TP53AIP1: variants seen among roughly 807,000 people sequenced by gnomAD.
TP53AIP1 encodes the protein tumor protein p53 regulated apoptosis inducing protein 1, also known as p53-regulated apoptosis-inducing protein 1.
Under a neutral mutation model 9.5 loss-of-function variants are expected in TP53AIP1, and 14 were observed. That is an observed-to-expected ratio of 1.47 (90% CI 0.97 to 2.30). The LOEUF is 2.30. TP53AIP1 is among the 30% of genes most tolerant of loss of function. The pLI, the probability that TP53AIP1 is intolerant of heterozygous loss-of-function variation, is 0.00. For missense variants in TP53AIP1, 153 were observed against 146.7 expected, an observed-to-expected ratio of 1.04 and a Z score of -0.22; for synonymous variants, 73 against 61.2, an observed-to-expected ratio of 1.19 and a Z score of -0.90.
rs1170483237 is a variant in TP53AIP1 at position 128,936,662 on chromosome 11, G to T, written c.142-13C>A. On this transcript the variant is annotated splice_polypyrimidine_tract_variant and intron_variant, in intron 2 of 3. Transcript: ENST00000531399. Reference sequence around the variant, plus strand: ...AGGGATCTGAAACCTGAGAGGAAATGGAAGCAGACTGTGAGGCCCTGCAGC... The same window carrying T: ...AGGGATCTGAAACCTGAGAGGAAATTGAAGCAGACTGTGAGGCCCTGCAGC... The T allele has an allele frequency of 3.8e-6, 6 of 1,570,562 alleles. No individual in the cohort carries two copies. The Admixed American group carries it at 1.1e-4, about 28-fold the overall frequency.
downstream of TP53AIP1, chr11:128,934,870 G>A (rs1197141627): frequency 3.2e-6 from 2 of 630,576 alleles, no homozygotes; most frequent in Admixed American, 2.3e-5. Flanking sequence ...TGCCCACTGG[G>A]GATCCTCGGA....
At chr11:128,938,237 T>C (rs1944872056) in intron 1 of TP53AIP1, among the ~76,000 whole-genome samples, 1 of 152,202 alleles carries the variant, frequency 6.6e-6, no homozygotes, top group South Asian at 2.1e-4. Flanking sequence ...TGGGCTACCC[T>C]GATGAGGGGT....
chr11:128,937,175 A>C lies in TP53AIP1; in HGVS notation c.141+503T>G. 8.9e-7 allele frequency: 1 copy of C among 1,120,586 alleles called. No homozygotes were observed. Among genetic ancestry groups the C allele is most frequent in the Non-Finnish European group, 1.1e-6 (1 of 915,462 alleles). 69.4% of individuals were successfully genotyped at this position (1,120,586 alleles called of 1,614,324 possible). ...GAGCCCACAAGCTTCCGAGTGCGTCATCTTCATTATTGGCCACAGGAAACG... is the reference window on the plus strand; with the variant it reads ...GAGCCCACAAGCTTCCGAGTGCGTCCTCTTCATTATTGGCCACAGGAAACG... On this transcript the variant is annotated intron_variant, in intron 2 of 3. Transcript: ENST00000531399. The surrounding 1 kb of genome is among the most constrained non-coding windows in gnomAD (Gnocchi z 4.8).
intron 1 of TP53AIP1, among the ~76,000 whole-genome samples, 151 bp downstream of exon 1, chr11:128,942,643 C>G (rs1827349508): frequency 6.6e-6 from 1 of 152,226 alleles, no homozygotes; most frequent in Non-Finnish European, 1.5e-5. Flanking sequence ...CTGACCTCCT[C>G]CAGGCCTCAC....
chr11:128,935,229 A>C, downstream of TP53AIP1: 1 of 1,362,952 alleles, frequency 7.3e-7, no homozygotes, highest in Non-Finnish European at 9.8e-7. Context: ...TTGGAAGTGC[A>C]TACTGGGAGT....
At chr11:128,940,635 G>A (rs1272345071) in intron 1 of TP53AIP1, among the ~76,000 whole-genome samples, 1 of 152,234 alleles carries the variant, frequency 6.6e-6, no homozygotes, top group African/African-American at 2.4e-5. Flanking sequence ...CCTGGCTCCA[G>A]AGCTGTGGGA....
At chr11:128,940,881 G>A (rs541259722) in intron 1 of TP53AIP1, among the ~76,000 whole-genome samples, 2 of 152,300 alleles carry the variant, frequency 1.3e-5, no homozygotes, top group South Asian at 2.1e-4. Flanking sequence ...CAGCTTCAGC[G>A]CCGCCAGCAT....
Position 128,935,369 on chromosome 11 carries a change from AT to A in TP53AIP1, c.*221del, listed in dbSNP as rs997642630. The A allele has an allele frequency of 5.0e-6, 7 of 1,413,798 alleles. No individual in the cohort carries two copies. In the African/African-American group the frequency reaches 8.7e-5, roughly 17 times the overall value. The allele number at this position is 1,413,798 out of a possible 1,614,324, so 87.6% of individuals were successfully genotyped here. A position where few individuals can be genotyped will look rare whatever the true frequency, so the allele number is the denominator to read the frequency against. ...AGATTGGAATGCAAACTTCACAAGA[AT>A]TTTTTTCCAGCTTTTATTTCAGATT... On this transcript the variant is annotated 3_prime_UTR_variant, in exon 4 of 4. Transcript: ENST00000531399.
At chr11:128,936,778 C>T (rs564129161) in intron 2 of TP53AIP1, 129 bp from the exon 3 acceptor site, 55 of 1,435,452 alleles carry the variant, frequency 3.8e-5, no homozygotes, top group African/African-American at 2.7e-4. Context: ...AAAGTGATGA[C>T]GCTGCCACTC....
intron 3 of TP53AIP1, 193 bp from the exon 4 acceptor site, chr11:128,935,905 A>T: frequency 7.6e-7 from 1 of 1,313,572 alleles, no homozygotes; most frequent in Middle Eastern, 2.8e-4. Context: ...TTTCATAGAT[A>T]TCAAATGGGC....
At chr11:128,936,099 G>A (rs1281446217) in intron 3 of TP53AIP1, 2 of 875,172 alleles carry the variant, frequency 2.3e-6, no homozygotes, top group Admixed American at 5.1e-5. Context: ...ACTCAGGCAG[G>A]CCAGTTGTCC....
intron 3 of TP53AIP1, chr11:128,935,918 A>C (rs1352897025): frequency 7.0e-6 from 9 of 1,289,226 alleles, no homozygotes; most frequent in Non-Finnish European, 8.9e-6. Flanking sequence ...AAATGGGCCA[A>C]CAAAAATGTA....
Position 128,937,999 on chromosome 11 carries a change from G to C in TP53AIP1, c.-76-105C>G. The C allele has an allele frequency of 5.6e-6, 4 of 712,902 alleles. No individual in the cohort carries two copies. Among genetic ancestry groups the C allele is most frequent in the South Asian group, 2.0e-5 (1 of 50,208 alleles). The allele number at this position is 712,902 out of a possible 1,614,324, so 44.2% of individuals were successfully genotyped here. On this transcript the variant is annotated intron_variant, in intron 1 of 3. Transcript: ENST00000531399. The surrounding 1 kb of genome is among the most constrained non-coding windows in gnomAD (Gnocchi z 4.8). The stretch of plus-strand genomic sequence containing the variant: ...GTTTCAGTTGTACTTGGATCTGGGA[G>C]GGGGAAGCCGATGCACCCAGAGACC...
chr11:128,937,010 G>A lies in TP53AIP1; in HGVS notation c.142-361C>T, dbSNP rs1178841436. ...TGCGTGTGAGCTTCTGGGGAGAGAA[G>A]TGTGGGCCTCCAGGGAGGTGTAGGC... On this transcript the variant is annotated intron_variant, in intron 2 of 3. Coordinates refer to ENST00000531399, the MANE Select transcript of TP53AIP1 (RefSeq NM_022112.3). This position sits in a 1 kb window ranked among gnomAD's most constrained non-coding sequence, Gnocchi z 4.8. The A allele has an allele frequency of 2.8e-6, 3 of 1,068,384 alleles. No homozygotes were observed. The African/African-American group carries it at 5.0e-5, about 18-fold the overall frequency. 66.2% of individuals were successfully genotyped at this position (1,068,384 alleles called of 1,614,324 possible).
intron 1 of TP53AIP1, among the ~76,000 whole-genome samples, chr11:128,938,801 G>A (rs187519645): frequency 4.6e-5 from 7 of 152,234 alleles, no homozygotes; most frequent in East Asian, 1.9e-4. Flanking sequence ...GGGAGACAGC[G>A]GCTCTCCACA....
chr11:128,939,858 T>C lies in TP53AIP1; in HGVS notation c.-76-1964A>G, dbSNP rs1944906972. Reference sequence around the variant, plus strand: ...CAAAGTGTTTGTTAGAAAGCAGCTTTGTTTTCCTTCTATTTCCTGTTTGAA... The same window carrying C: ...CAAAGTGTTTGTTAGAAAGCAGCTTCGTTTTCCTTCTATTTCCTGTTTGAA... On this transcript the variant is annotated intron_variant, in intron 1 of 3. Coordinates refer to ENST00000531399, the MANE Select transcript of TP53AIP1 (RefSeq NM_022112.3). This position sits in a 1 kb window ranked among gnomAD's most constrained non-coding sequence, Gnocchi z 4.1. 6.6e-6 allele frequency among the ~76,000 whole-genome samples: 1 copy of C among 152,238 alleles called. No homozygotes were observed. The highest frequency in any genetic ancestry group is 2.4e-5 in the African/African-American group (1 of 41,464).
In TP53AIP1 at chr11:128,936,578, C is replaced by G. The variant is rs751000197; in HGVS notation, c.213G>C (p.Ser71=). Residue 71 remains serine, a synonymous_variant, in exon 3 of 4, where the codon TCG becomes TCC. Coordinates refer to ENST00000531399, the MANE Select transcript of TP53AIP1 (RefSeq NM_022112.3). The part of the protein sequence containing the change: ...GCRGIEALSV[S]SGSWSSATVW... Reference sequence around the variant, plus strand: ...CAGTTGCTGAGGACCAAGATCCAGACGAGACTGACAGAGCTTCTATTCCCC... The same window carrying G: ...CAGTTGCTGAGGACCAAGATCCAGAGGAGACTGACAGAGCTTCTATTCCCC... 1 of 1,586,630 alleles carries G rather than the reference C, an allele frequency of 6.3e-7. No individual in the cohort carries two copies. Among genetic ancestry groups the G allele is most frequent in the South Asian group, 1.1e-5 (1 of 88,146 alleles).
chr11:128,940,895 G>A (rs1216902372), intron 1 of TP53AIP1, among the ~76,000 whole-genome samples: 1 of 152,194 alleles, frequency 6.6e-6, no homozygotes, highest in Admixed American at 6.5e-5. Context: ...CCAGCATCAG[G>A]AAGTTCATCT....
Position 128,936,546 on chromosome 11 carries a change from A to T in TP53AIP1, c.245T>A (p.Ile82Asn), listed in dbSNP as rs1944827125. 6.4e-7 allele frequency: 1 copy of T among 1,573,110 alleles called. No individual in the cohort carries two copies. The highest frequency in any genetic ancestry group is 1.3e-5 in the African/African-American group (1 of 74,394). The change falls in exon 3 of 4, where the codon ATC becomes AAC. Residue 82 changes from isoleucine (I) to asparagine (N), a missense_variant. Physicochemically the swap from Ile to Asn is moderately radical, Grantham distance 149. Coordinates refer to ENST00000531399, the MANE Select transcript of TP53AIP1 (RefSeq NM_022112.3). ...SGSWSSATVW[I>N]LTGLGLGLSR... Reference sequence around the variant, plus strand: ...AAGTAATTATCACACACCTGTCAGGATCCAGACAGTTGCTGAGGACCAAGA... The same window carrying T: ...AAGTAATTATCACACACCTGTCAGGTTCCAGACAGTTGCTGAGGACCAAGA...
Sources: allele counts gnomAD v4.1 joint callset (sites outside exome capture counted in the v4.1 genomes callset), GRCh38; gene constraint gnomAD v4.1.1; non-coding constraint Gnocchi (gnomAD v3.1); transcripts MANE v1.5; gene names NCBI Gene and HGNC (gene_info 2026-07-23, HGNC 2026-07-21).